TAFA1: variants seen among roughly 807,000 people sequenced by gnomAD.
TAFA1 encodes TAFA chemokine like family member 1, also known as chemokine-like protein TAFA-1.
A neutral mutation model predicts 18.5 loss-of-function variants in TAFA1; 4 were observed. The observed-to-expected ratio is 0.22, with a 90% CI of 0.11 to 0.49. TAFA1 has a LOEUF of 0.49. Among genes scored for constraint, TAFA1 ranks in the 20% least tolerant of loss-of-function variants. The pLI is 0.98. For synonymous variants in TAFA1, 56 were observed against 55.2 expected (o/e 1.01, Z -0.06); for missense variants, 147 against 169.0 (o/e 0.87, Z 0.72).
chr3:67,997,941 G>A, the TAFA1 span, among the ~76,000 whole-genome samples: 1 of 151,808 alleles, frequency 6.6e-6, no homozygotes, highest in Non-Finnish European at 1.5e-5. Context: ...TGGATTAAGA[G>A]CACCATTAGA....
intron 2 of TAFA1, among the ~76,000 whole-genome samples, chr3:68,042,492 T>C (rs945590562): frequency 2.0e-5 from 3 of 151,966 alleles, no homozygotes; most frequent in African/African-American, 7.2e-5. Flanking sequence ...TCTACTAAAT[T>C]AAAAAAATTA....
At chr3:68,488,016 G>A (rs1456964193) in intron 3 of TAFA1, among the ~76,000 whole-genome samples, 1 of 152,178 alleles carries the variant, frequency 6.6e-6, no homozygotes, top group African/African-American at 2.4e-5. Flanking sequence ...AATAAGCATA[G>A]TGTCAGTAGA....
In TAFA1 at chr3:68,517,886, C is replaced by T. The variant is rs115724436; in HGVS notation, c.260-20870C>T. Among the ~76,000 whole-genome samples the T allele has an allele frequency of 9.8e-3, 1,493 of 151,912 alleles. 11 individuals are homozygous for T. Among genetic ancestry groups the T allele is most frequent in the Non-Finnish European group, 0.015 (1,044 of 67,954 alleles). On this transcript the variant is annotated intron_variant, in intron 3 of 4. Transcript: ENST00000478136. ...GTGATCAAATTTAAGCAGCACAGTTCCTAAAATATACCCAGCCTTATCTGC... is the reference window on the plus strand; with the variant it reads ...GTGATCAAATTTAAGCAGCACAGTTTCTAAAATATACCCAGCCTTATCTGC...
intron 2 of TAFA1, among the ~76,000 whole-genome samples, chr3:68,392,425 C>CCCCACTG (rs2070280701): frequency 6.6e-6 from 1 of 152,012 alleles, no homozygotes; most frequent in South Asian, 2.1e-4. Context: ...GACTTTAGTA[C>CCCCACTG]CCCACTGTCA....
chr3:68,355,874 G>T (rs905064232), intron 2 of TAFA1, among the ~76,000 whole-genome samples: 2 of 151,970 alleles, frequency 1.3e-5, no homozygotes, highest in African/African-American at 2.4e-5. Context: ...TTGTAGCTAG[G>T]CAAGTTGTAC....
intron 2 of TAFA1, among the ~76,000 whole-genome samples, chr3:68,155,426 A>G (rs1454172124): frequency 6.6e-6 from 1 of 152,156 alleles, no homozygotes; most frequent in Non-Finnish European, 1.5e-5. Flanking sequence ...CAGCATTAAT[A>G]TCATCCCTAA....
chr3:68,254,471 T>G (rs1320271779), intron 2 of TAFA1, among the ~76,000 whole-genome samples: 1 of 152,048 alleles, frequency 6.6e-6, no homozygotes, highest in Non-Finnish European at 1.5e-5. Context: ...GAAAGATACT[T>G]GTAACATCAT....
At chr3:68,230,349 A>G (rs1318665394) in intron 2 of TAFA1, among the ~76,000 whole-genome samples, 2 of 151,810 alleles carry the variant, frequency 1.3e-5, no homozygotes, top group Non-Finnish European at 2.9e-5. Context: ...TTAATCCCAC[A>G]TATAAGTGAA....
rs746326770 is a variant in TAFA1 at position 68,152,316 on chromosome 3, A to AT, written c.118+145581dup. Reference sequence around the variant, plus strand: ...TTGGGTGCAGAGCTCAGGAATCTGCATTTTTTTTTGCAGTTTTCCCAAACC... The same window carrying AT: ...TTGGGTGCAGAGCTCAGGAATCTGCATTTTTTTTTTGCAGTTTTCCCAAACC... On this transcript the variant is annotated intron_variant, in intron 2 of 4. Transcript: ENST00000478136. 5.9e-4 allele frequency among the ~76,000 whole-genome samples: 89 copies of AT among 150,840 alleles called. 3 individuals are homozygous for AT. Among genetic ancestry groups the AT allele is most frequent in the East Asian group, 7.8e-4 (4 of 5,124 alleles).
chr3:68,073,060 T>C (rs1446752656), intron 2 of TAFA1, among the ~76,000 whole-genome samples: 2 of 152,196 alleles, frequency 1.3e-5, no homozygotes, highest in Non-Finnish European at 2.9e-5. Context: ...TGCAATGACA[T>C]GCATTTAAAT....
intron 2 of TAFA1, among the ~76,000 whole-genome samples, chr3:68,085,967 C>T (rs1266568321): frequency 6.6e-6 from 1 of 152,180 alleles, no homozygotes; most frequent in Non-Finnish European, 1.5e-5. Context: ...GATGAACACT[C>T]AGTAATTTTG....
At chr3:68,507,531 T>C (rs2072778142) in intron 3 of TAFA1, among the ~76,000 whole-genome samples, 2 of 152,152 alleles carry the variant, frequency 1.3e-5, no homozygotes, top group South Asian at 2.1e-4. Flanking sequence ...CTTCTACCTA[T>C]ACTTAAGCTG....
intron 2 of TAFA1, among the ~76,000 whole-genome samples, chr3:68,215,062 A>G (rs142469095): frequency 0.011 from 1,727 of 152,208 alleles, 33 homozygotes; most frequent in African/African-American, 0.04. Context: ...TTTAAATTCA[A>G]TGAAGCATCA....
In TAFA1 at chr3:68,139,637, AT is replaced by A. The variant is rs1454864827; in HGVS notation, c.118+132899del. 2.0e-5 allele frequency among the ~76,000 whole-genome samples: 3 copies of A among 152,098 alleles called. No homozygotes were observed. In the East Asian group the frequency reaches 5.8e-4, roughly 29 times the overall value. On this transcript the variant is annotated intron_variant, in intron 2 of 4. Coordinates refer to ENST00000478136, the MANE Select transcript of TAFA1 (RefSeq NM_213609.4). ...CTAGGAGATTTCTTGGGCCTCAGCAATTTTTTCGTGACTTGAATACCCTAAG... is the reference window on the plus strand; with the variant it reads ...CTAGGAGATTTCTTGGGCCTCAGCAATTTTTCGTGACTTGAATACCCTAAG...
intron 2 of TAFA1, among the ~76,000 whole-genome samples, chr3:68,141,618 T>C (rs1004599147): frequency 2.0e-5 from 3 of 152,144 alleles, no homozygotes; most frequent in South Asian, 2.1e-4. Flanking sequence ...ACCAGAGTTA[T>C]TGAGAAAGAT....
intron 2 of TAFA1, among the ~76,000 whole-genome samples, chr3:68,088,808 A>T (rs2065000131): frequency 6.6e-6 from 1 of 152,212 alleles, no homozygotes; most frequent in Non-Finnish European, 1.5e-5. Context: ...CAGAAGTGGA[A>T]AGACCAGCTG....
chr3:68,103,250 T>A (rs2106821383), intron 2 of TAFA1, among the ~76,000 whole-genome samples: 1 of 152,298 alleles, frequency 6.6e-6, no homozygotes, highest in South Asian at 2.1e-4. Context: ...AACTGTTAAT[T>A]CCCACCTTTT....
chr3:68,096,624 A>G (rs974964943), intron 2 of TAFA1, among the ~76,000 whole-genome samples: 1 of 152,154 alleles, frequency 6.6e-6, no homozygotes, highest in South Asian at 2.1e-4. Context: ...ACTTCTCCAA[A>G]GTCAGACAGC....
intron 2 of TAFA1, among the ~76,000 whole-genome samples, chr3:68,125,141 A>G (rs2065448876): frequency 6.6e-6 from 1 of 152,210 alleles, no homozygotes; most frequent in Admixed American, 6.5e-5. Flanking sequence ...TTCTGAGTTC[A>G]TAGGTTTGAA....
Sources: gnomAD v4.1 joint callset for allele counts (sites outside exome capture counted in the v4.1 genomes callset) on GRCh38, gnomAD v4.1.1 for gene constraint, MANE v1.5 for transcripts, NCBI Gene and HGNC (gene_info 2026-07-23, HGNC 2026-07-21) for gene names.